The following ANKRD62 variants were observed in gnomAD, a reference collection of about 807,000 sequenced individuals.
The protein encoded by ANKRD62 is ankyrin repeat domain-containing protein 62.
In ANKRD62, 61 loss-of-function variants were observed where a neutral mutation model predicts 98.8. The observed-to-expected ratio is 0.62, with a 90% CI of 0.50 to 0.76. The LOEUF (loss-of-function observed/expected upper bound fraction) is 0.76, where lower values mean the gene tolerates loss of function less well. Ranked by LOEUF, ANKRD62 falls within the 30% of genes least tolerant of loss-of-function variation. The pLI is 0.00. For synonymous variants in ANKRD62, 341 were observed against 367.9 expected (o/e 0.93, Z 0.84); for missense variants, 933 against 1,082.9 (o/e 0.86, Z 1.94).
At chr18:12,103,082 T>C (rs989596736) in intron 6 of ANKRD62, 76 bp from the exon 7 acceptor site, 3 of 1,058,220 alleles carry the variant, frequency 2.8e-6, no homozygotes, top group Non-Finnish European at 3.7e-6. Flanking sequence ...TTATTTTCTA[T>C]TTTTATAAAG....
chr18:12,096,060 G>C (rs1246544462), intron 3 of ANKRD62, 136 bp from the exon 4 acceptor site: 3 of 648,916 alleles, frequency 4.6e-6, no homozygotes, highest in African/African-American at 1.8e-5. Context: ...AAGCACAGTG[G>C]AGTGAGAAGG....
chr18:12,167,431 C>T, the ANKRD62 span, among the ~76,000 whole-genome samples: 7 of 152,112 alleles, frequency 4.6e-5, no homozygotes, highest in African/African-American at 4.8e-5. Flanking sequence ...TGATGATTTC[C>T]GGCTTCATCC....
At chr18:12,108,587 A>G (rs1909466456) in intron 8 of ANKRD62, among the ~76,000 whole-genome samples, 1 of 152,168 alleles carries the variant, frequency 6.6e-6, no homozygotes, top group African/African-American at 2.4e-5. Context: ...TTCAAATCTC[A>G]TGTCCTTTTC....
At chr18:12,101,680 C>T (rs1387147638) in intron 6 of ANKRD62, among the ~76,000 whole-genome samples, 1 of 152,126 alleles carries the variant, frequency 6.6e-6, no homozygotes, top group Non-Finnish European at 1.5e-5. Flanking sequence ...AAGCTGGATT[C>T]TCTTTAAGAG....
At chr18:12,126,501 T>C in intron 13 of ANKRD62, 118 bp downstream of exon 13, 1 of 1,017,496 alleles carries the variant, frequency 9.8e-7, no homozygotes, top group Non-Finnish European at 1.4e-6. Flanking sequence ...TGATAAACGG[T>C]TCTGCTATAT....
chr18:12,106,205 T>C (rs1337052073), intron 7 of ANKRD62, among the ~76,000 whole-genome samples: 1 of 152,226 alleles, frequency 6.6e-6, no homozygotes, highest in African/African-American at 2.4e-5. Context: ...CATGTTTCTG[T>C]CAAAGCAGAT....
the ANKRD62 span, among the ~76,000 whole-genome samples, chr18:12,181,370 A>G: frequency 6.6e-6 from 1 of 152,262 alleles, no homozygotes; most frequent in East Asian, 1.9e-4. Context: ...ATGGAATAAC[A>G]TTCACCATAT....
intron 12 of ANKRD62, among the ~76,000 whole-genome samples, 168 bp downstream of exon 12, chr18:12,124,488 A>G (rs1598738134): frequency 6.6e-6 from 1 of 152,068 alleles, no homozygotes; most frequent in Non-Finnish European, 1.5e-5. Context: ...CTTCAAAGTT[A>G]TATTTTATTT....
At chr18:12,100,259 C>T (rs976792188) in intron 6 of ANKRD62, among the ~76,000 whole-genome samples, 3 of 151,964 alleles carry the variant, frequency 2.0e-5, no homozygotes, top group Non-Finnish European at 2.9e-5. Context: ...ATTGTTACTA[C>T]AATAAAGTAA....
At chr18:12,171,632 T>C in the ANKRD62 span, among the ~76,000 whole-genome samples, 2 of 152,184 alleles carry the variant, frequency 1.3e-5, no homozygotes, top group Non-Finnish European at 2.9e-5. Flanking sequence ...GTTGCTCTTC[T>C]CGAGGAGTAT....
chr18:12,127,127 A>G (rs1450794762), intron 13 of ANKRD62, among the ~76,000 whole-genome samples: 1 of 152,164 alleles, frequency 6.6e-6, no homozygotes, highest in Non-Finnish European at 1.5e-5. Context: ...TCTCATTTGG[A>G]TATAAGGTTA....
At chr18:12,105,454 G>C (rs953804961) in intron 7 of ANKRD62, among the ~76,000 whole-genome samples, 3 of 152,176 alleles carry the variant, frequency 2.0e-5, no homozygotes, top group Non-Finnish European at 4.4e-5. Context: ...GTCTGATGTT[G>C]AGTGCCTGCA....
the ANKRD62 span, among the ~76,000 whole-genome samples, chr18:12,170,680 A>G: frequency 1.3e-5 from 2 of 152,138 alleles, no homozygotes; most frequent in African/African-American, 2.4e-5. Context: ...AGTCCTGGAT[A>G]TCCTTGTTAA....
At chr18:12,158,163 G>A in the ANKRD62 span, among the ~76,000 whole-genome samples, 16 of 152,264 alleles carry the variant, frequency 1.1e-4, no homozygotes, top group African/African-American at 3.6e-4. Flanking sequence ...TCTATGCTGG[G>A]GTATAAATAC....
chr18:12,119,507 T>C (rs7240093), intron 10 of ANKRD62, among the ~76,000 whole-genome samples: 93,237 of 151,882 alleles, frequency 0.61, 29,060 homozygotes, highest in Middle Eastern at 0.76. Flanking sequence ...TCCTGGATCA[T>C]AGATGTGTTC....
intron 7 of ANKRD62, among the ~76,000 whole-genome samples, chr18:12,106,211 C>T (rs2143905895): frequency 6.6e-6 from 1 of 152,288 alleles, no homozygotes; most frequent in Non-Finnish European, 1.5e-5. Context: ...TCTGTCAAAG[C>T]AGATCTTAAT....
chr18:12,174,985 C>T, the ANKRD62 span, among the ~76,000 whole-genome samples: 3 of 152,414 alleles, frequency 2.0e-5, no homozygotes, highest in South Asian at 6.2e-4. Flanking sequence ...CCAGCAGCAG[C>T]AGTAGCAGCA....
chr18:12,119,341 T>A (rs943752251), intron 10 of ANKRD62, among the ~76,000 whole-genome samples: 1 of 68,084 alleles, frequency 1.5e-5, no homozygotes, highest in African/African-American at 5.4e-5. Flanking sequence ...GTTGCTGATC[T>A]TCTTCTTTTT....
chr18:12,137,617 G>A, the ANKRD62 span, among the ~76,000 whole-genome samples: 4 of 152,214 alleles, frequency 2.6e-5, no homozygotes, highest in Admixed American at 2.0e-4. Flanking sequence ...AGTTTCAGAA[G>A]GAATGATACC....
Sources: gnomAD v4.1 joint callset for allele counts (sites outside exome capture counted in the v4.1 genomes callset) on GRCh38, gnomAD v4.1.1 for gene constraint, MANE v1.5 for transcripts, NCBI Gene and HGNC (gene_info 2026-07-23, HGNC 2026-07-21) for gene names.